Variants in SLC39A14 observed in about 807,000 individuals in gnomAD.
SLC39A14 encodes the protein metal cation symporter ZIP14.
A neutral mutation model predicts 45.5 loss-of-function variants in SLC39A14; 19 were observed. The ratio of observed to expected loss-of-function variants is 0.42; its 90% CI spans 0.29 to 0.61. The LOEUF (loss-of-function observed/expected upper bound fraction) is 0.61. Ranked by LOEUF, SLC39A14 falls within the 20% of genes least tolerant of loss-of-function variation. The pLI, the probability that SLC39A14 is intolerant of heterozygous loss-of-function variation, is 0.22. For missense variants in SLC39A14, 447 were observed against 616.5 expected (o/e 0.73, Z 2.91); for synonymous variants, 264 against 251.3 (o/e 1.05, Z -0.48).
chr8:22,397,134 G>T (rs1834533400), intron 1 of SLC39A14, among the ~76,000 whole-genome samples: 2 of 152,152 alleles, frequency 1.3e-5, no homozygotes, highest in Admixed American at 1.3e-4. Context: ...TACGGATAGG[G>T]GTTCATTGTA....
intron 8 of SLC39A14, among the ~76,000 whole-genome samples, chr8:22,430,128 A>G (rs985545438): frequency 6.6e-6 from 1 of 152,128 alleles, no homozygotes; most frequent in African/African-American, 2.4e-5. Flanking sequence ...GGGAAAGGAG[A>G]AGACATTTGT....
chr8:22,381,361 C>G lies in SLC39A14; in HGVS notation c.-16+13953C>G, dbSNP rs1384215758. ...GCTAGGCTCACGGCAAGCTCCGCCTCCCGGGTTCACGCCATTCTCCTGCCT... is the reference window on the plus strand; with the variant it reads ...GCTAGGCTCACGGCAAGCTCCGCCTGCCGGGTTCACGCCATTCTCCTGCCT... On this transcript the variant is annotated intron_variant, in intron 1 of 8. Transcript: ENST00000381237. Among the ~76,000 whole-genome samples the G allele has an allele frequency of 2.0e-5, 3 of 152,066 alleles. No homozygotes were observed. In the East Asian group the frequency reaches 5.8e-4, roughly 29 times the overall value.
At chr8:22,402,860 C>A (rs1439449325) in intron 1 of SLC39A14, among the ~76,000 whole-genome samples, 1 of 151,810 alleles carries the variant, frequency 6.6e-6, no homozygotes, top group African/African-American at 2.4e-5. Flanking sequence ...TATAGAGAGG[C>A]TGTTTTTTAT....
At position 22,421,874 on chromosome 8, in the gene SLC39A14, G is replaced by T; in HGVS notation, c.*2176G>T. The stretch of plus-strand genomic sequence containing the variant: ...ATGAAATAGGGTGTTTTCCCTTTTT[G>T]TGCACACCTATATTACCTTAAGAAA... On this transcript the variant is annotated 3_prime_UTR_variant, in exon 9 of 9. Coordinates refer to ENST00000381237, the MANE Select transcript of SLC39A14 (RefSeq NM_001128431.4). The T allele has an allele frequency of 1.0e-6, 1 of 985,254 alleles. No homozygotes were observed. The highest frequency in any genetic ancestry group is 1.2e-6 in the Non-Finnish European group (1 of 829,876). The allele number at this position is 985,254 out of a possible 1,614,324, so 61.0% of individuals were successfully genotyped here.
intron 1 of SLC39A14, chr8:22,392,714 G>A (rs768244130): frequency 2.6e-5 from 4 of 152,290 alleles, no homozygotes; most frequent in Admixed American, 6.5e-5. Flanking sequence ...ACCTGACTCA[G>A]TTGCTTTGGG....
intron 1 of SLC39A14, among the ~76,000 whole-genome samples, chr8:22,370,179 T>C (rs1247568103): frequency 6.6e-6 from 1 of 152,174 alleles, no homozygotes; most frequent in African/African-American, 2.4e-5. Flanking sequence ...TCTGTGCACA[T>C]GTGCGTGTGC....
chr8:22,386,155 G>T (rs1177474352), intron 1 of SLC39A14, among the ~76,000 whole-genome samples: 1 of 152,004 alleles, frequency 6.6e-6, no homozygotes, highest in African/African-American at 2.4e-5. Context: ...ATGTTGGCCA[G>T]GCTGGTCCCG....
At chr8:22,429,899 C>G (rs781181729) in intron 8 of SLC39A14, among the ~76,000 whole-genome samples, 1 of 152,170 alleles carries the variant, frequency 6.6e-6, no homozygotes, top group Non-Finnish European at 1.5e-5. Context: ...CAGGAAAGGG[C>G]TCTAACCAGA....
intron 1 of SLC39A14, among the ~76,000 whole-genome samples, chr8:22,373,099 T>C (rs908573397): frequency 1.3e-5 from 2 of 151,982 alleles, no homozygotes; most frequent in African/African-American, 4.8e-5. Flanking sequence ...TCGTCTCTAC[T>C]AAAAATACAA....
At chr8:22,383,508 A>G (rs1167467188) in intron 1 of SLC39A14, among the ~76,000 whole-genome samples, 1 of 152,120 alleles carries the variant, frequency 6.6e-6, no homozygotes, top group East Asian at 1.9e-4. Context: ...GAGCCCTGTA[A>G]GATTGAACAG....
downstream of SLC39A14, among the ~76,000 whole-genome samples, chr8:22,425,405 C>G (rs1836366977): frequency 6.6e-6 from 1 of 152,180 alleles, no homozygotes; most frequent in South Asian, 2.1e-4. Flanking sequence ...GTGCACTTTA[C>G]CATTCAGTGA....
At chr8:22,372,351 C>T (rs990193520) in intron 1 of SLC39A14, among the ~76,000 whole-genome samples, 7 of 152,168 alleles carry the variant, frequency 4.6e-5, no homozygotes, top group Admixed American at 4.6e-4. Context: ...CATTCAGCAC[C>T]TTGCTTTTTT....
At chr8:22,394,160 C>T (rs1834240112) in intron 1 of SLC39A14, among the ~76,000 whole-genome samples, 1 of 151,954 alleles carries the variant, frequency 6.6e-6, no homozygotes, top group Non-Finnish European at 1.5e-5. Flanking sequence ...GCGTGCGCCA[C>T]CACACCCAGC....
chr8:22,417,620 G>C (rs371742737), intron 7 of SLC39A14, 31 bp from the exon 8 acceptor site: 13 of 1,595,276 alleles, frequency 8.1e-6, no homozygotes, highest in African/African-American at 2.7e-5. Context: ...TTCCTTCCTC[G>C]TCCCTCCCCT....
intron 1 of SLC39A14, among the ~76,000 whole-genome samples, chr8:22,373,677 C>T (rs1833051529): frequency 6.6e-6 from 1 of 151,980 alleles, no homozygotes; most frequent in Non-Finnish European, 1.5e-5. Flanking sequence ...TTCAGAATTA[C>T]TGTTCGAGAT....
Position 22,417,928 on chromosome 8 carries a change from A to C in SLC39A14, c.1332+93A>C, listed in dbSNP as rs1835988147. 7 of 1,077,814 alleles carry C rather than the reference A, an allele frequency of 6.5e-6. No homozygotes were observed. The East Asian group carries it at 1.6e-4, about 24-fold the overall frequency. 66.8% of individuals were successfully genotyped at this position (1,077,814 alleles called of 1,614,324 possible). A position where few individuals can be genotyped will look rare whatever the true frequency, so the allele number is the denominator to read the frequency against. ...TTTTATTTTTATTTTTTTGAGATGG[A>C]GTCTCACTCTGTCTCCCAGGCTGGA... On this transcript the variant is annotated intron_variant, in intron 8 of 8. Coordinates refer to ENST00000381237, the MANE Select transcript of SLC39A14 (RefSeq NM_001128431.4).
chr8:22,368,422 G>T (rs1392615174), intron 1 of SLC39A14, among the ~76,000 whole-genome samples: 1 of 152,124 alleles, frequency 6.6e-6, no homozygotes, highest in East Asian at 1.9e-4. Context: ...GGAGGGTCAG[G>T]TCAGTACCAC....
At chr8:22,418,192 C>T (rs1159987228) in intron 8 of SLC39A14, among the ~76,000 whole-genome samples, 3 of 152,170 alleles carry the variant, frequency 2.0e-5, no homozygotes, top group East Asian at 1.9e-4. Context: ...CATGAACCAC[C>T]GCACATGGCT....
At chr8:22,415,500 T>G (rs1835818554) in intron 5 of SLC39A14, 1 of 396,350 alleles carries the variant, frequency 2.5e-6, no homozygotes, top group Admixed American at 4.4e-5. Flanking sequence ...CTCGCTTCGT[T>G]GCCCAGGCTG....
Sources: allele counts gnomAD v4.1 joint callset (sites outside exome capture counted in the v4.1 genomes callset), GRCh38; gene constraint gnomAD v4.1.1; transcripts MANE v1.5; gene names NCBI Gene and HGNC (gene_info 2026-07-23, HGNC 2026-07-21).